Variants in UVSSA observed in about 807,000 individuals in gnomAD.
UVSSA encodes UV stimulated scaffold protein A.
UVSSA carries 72 observed loss-of-function variants against 73.9 expected under a neutral mutation model. That is an observed-to-expected ratio of 0.97 (90% confidence interval 0.81 to 1.19). UVSSA has a LOEUF of 1.19. UVSSA is among the 50% of genes most tolerant of loss of function. The pLI, the probability that UVSSA is intolerant of heterozygous loss-of-function variation, is 0.00. For synonymous variants in UVSSA, 454 were observed against 391.3 expected (o/e 1.16, Z -1.89); for missense variants, 1,150 against 965.0 (o/e 1.19, Z -2.54).
Position 1,353,051 on chromosome 4 carries a change from C to A in UVSSA, c.572C>A (p.Ser191Tyr), listed in dbSNP as rs200478324. The part of the protein sequence containing the change: ...EMQEMSGEIE[S>Y]CLTEVESCFR... ...GCAGAAATGTCTGGAGAAATTGAAT[C>A]CTGCTTGACGGAGGTAGAGAGCTGC... The change falls in exon 5 of 14, where the codon TCC becomes TAC. Residue 191 changes from serine (S) to tyrosine (Y), a missense_variant. Physicochemically the swap from Ser to Tyr is moderately radical, Grantham distance 144. Coordinates refer to ENST00000389851, the MANE Select transcript of UVSSA (RefSeq NM_020894.4). 57 of 1,610,814 alleles carry A rather than the reference C, an allele frequency of 3.5e-5. No homozygotes were observed. Among genetic ancestry groups the A allele is most frequent in the Admixed American group, 1.3e-4 (8 of 59,732 alleles).
chr4:1,359,567 C>T (rs747000639), intron 7 of UVSSA: 1 of 152,220 alleles, frequency 6.6e-6, no homozygotes, highest in Non-Finnish European at 1.5e-5. Flanking sequence ...GTGGCTCTGT[C>T]TTTCCTTCTG....
intron 7 of UVSSA, chr4:1,359,134 G>A (rs556917667): frequency 3.3e-5 from 5 of 152,320 alleles, no homozygotes; most frequent in East Asian, 1.9e-4. Context: ...ATACTTAGGC[G>A]GGTTTGAATA....
chr4:1,393,759 A>G (rs116254000), exon 14 of UVSSA: 1 of 154,192 alleles, frequency 6.5e-6, no homozygotes, highest in African/African-American at 2.4e-5. Context: ...ATATATATGT[A>G]TTTTTTGAAG....
exon 14 of UVSSA, chr4:1,394,962 G>C: frequency 6.4e-7 from 1 of 1,556,394 alleles, no homozygotes; most frequent in South Asian, 1.1e-5. Flanking sequence ...CTGCTCACAC[G>C]TGCCCATGCG....
chr4:1,360,661 T>C lies in UVSSA; in HGVS notation c.1176+5416T>C, dbSNP rs371706246. ...CTGAGAAGGTCAGGCTGAAGCAGGG[T>C]CCTTTCCCGCCCCCGTGAGCCGAGT... On this transcript the variant is annotated intron_variant, in intron 7 of 13. Coordinates refer to ENST00000389851, the MANE Select transcript of UVSSA (RefSeq NM_020894.4). Among the ~76,000 whole-genome samples, 84 of 152,052 alleles carry C rather than the reference T, an allele frequency of 5.5e-4. 1 individual carries two copies. The South Asian group carries it at 0.015, about 27-fold the overall frequency.
chr4:1,359,869 G>T (rs1446737687), intron 7 of UVSSA, among the ~76,000 whole-genome samples: 1 of 152,200 alleles, frequency 6.6e-6, no homozygotes, highest in African/African-American at 2.4e-5. Flanking sequence ...GCCTCCCGGG[G>T]ACCCTGTCAG....
intron 9 of UVSSA, 50 bp from the exon 10 acceptor site, chr4:1,375,984 T>C (rs1191049033): frequency 1.3e-6 from 2 of 1,559,516 alleles, no homozygotes; most frequent in African/African-American, 2.7e-5. Context: ...GGAGGGTGGC[T>C]GTGGGTGGCA....
At chr4:1,355,053 A>G in intron 6 of UVSSA, 64 bp from the exon 7 acceptor site, 1 of 1,593,094 alleles carries the variant, frequency 6.3e-7, no homozygotes, top group Non-Finnish European at 8.6e-7. Flanking sequence ...TGTGCCTCCC[A>G]GCAGGACAGC....
chr4:1,394,332 A>T (rs767951831), exon 14 of UVSSA: 83 of 1,117,568 alleles, frequency 7.4e-5, no homozygotes, highest in Non-Finnish European at 1.0e-4. Flanking sequence ...TTCTACTTAG[A>T]ATGCTCTTCC....
chr4:1,354,046 CTT>C (rs200934496), intron 5 of UVSSA, among the ~76,000 whole-genome samples: 5,951 of 152,294 alleles, frequency 0.039, 181 homozygotes, highest in Non-Finnish European at 0.06. Flanking sequence ...AAATCGCTCT[CTT>C]TGAGGAACCT....
rs9328733 is a variant in UVSSA at position 1,394,795 on chromosome 4, A to C, written c.*8834A>C. 2.2e-5 allele frequency: 19 copies of C among 856,278 alleles called. 2 individuals carry two copies. Among genetic ancestry groups the C allele is most frequent in the Admixed American group, 5.5e-5 (2 of 36,388 alleles). The allele number at this position is 856,278 out of a possible 1,614,324, so 53.0% of individuals were successfully genotyped here. On this transcript the variant is annotated 3_prime_UTR_variant, in exon 14 of 14. Transcript: ENST00000511216. ...CTCACATGTGCCGATGTGGAGTGCC[A>C]CCTGCTCACACACGTGCCCATGTGG...
intron 7 of UVSSA, among the ~76,000 whole-genome samples, chr4:1,364,711 C>T (rs1386048933): frequency 6.6e-6 from 1 of 152,130 alleles, no homozygotes; most frequent in Non-Finnish European, 1.5e-5. Flanking sequence ...AATGCAGGCG[C>T]CTCCATCCCG....
intron 7 of UVSSA, 37 bp from the exon 8 acceptor site, chr4:1,366,283 T>G (rs771537210): frequency 6.5e-7 from 1 of 1,530,074 alleles, no homozygotes; most frequent in Admixed American, 1.8e-5. Context: ...ATACACAGGG[T>G]CTGGGGGTTG....
In UVSSA at chr4:1,348,201, G is replaced by A. The variant is rs755705444; in HGVS notation, c.98+12G>A. On this transcript the variant is annotated intron_variant, in intron 2 of 13. Transcript: ENST00000389851. ...AAGAAAATTTGCAAGTATGTCTTAGGGTTCAGTAACAGTAACTGACTGGCC... is the reference window on the plus strand; with the variant it reads ...AAGAAAATTTGCAAGTATGTCTTAGAGTTCAGTAACAGTAACTGACTGGCC... The A allele has an allele frequency of 3.2e-5, 51 of 1,602,666 alleles. No individual in the cohort carries two copies. The South Asian group carries it at 4.2e-4, about 13-fold the overall frequency.
intron 2 of UVSSA, among the ~76,000 whole-genome samples, chr4:1,348,755 G>A (rs1057436504): frequency 1.3e-5 from 2 of 152,246 alleles, no homozygotes; most frequent in Non-Finnish European, 2.9e-5. Context: ...TTTATACAGT[G>A]ATGGAGTGTT....
At chr4:1,378,860 C>T (rs1030278219) in intron 10 of UVSSA, among the ~76,000 whole-genome samples, 1 of 152,232 alleles carries the variant, frequency 6.6e-6, no homozygotes, top group East Asian at 1.9e-4. Context: ...AGGGCTTTGC[C>T]CGAGACGCCT....
chr4:1,377,615 C>T (rs1718935007), intron 10 of UVSSA, among the ~76,000 whole-genome samples: 1 of 152,138 alleles, frequency 6.6e-6, no homozygotes, highest in Non-Finnish European at 1.5e-5. Flanking sequence ...CGTCCCTCCT[C>T]CCACCTGCCT....
chr4:1,346,625 G>T (rs1454781939), upstream of UVSSA, among the ~76,000 whole-genome samples: 2 of 152,100 alleles, frequency 1.3e-5, no homozygotes, highest in African/African-American at 4.8e-5. Context: ...AGGCCGGAGC[G>T]GGGAGGCGCC....
chr4:1,387,129 G>A lies in UVSSA; in HGVS notation c.*1168G>A, dbSNP rs1720187734. ...AATCTTGCTCTGTCGCCAGGCTGGAGTGCAATGGCGTGATCTCGGCTCACT... is the reference window on the plus strand; with the variant it reads ...AATCTTGCTCTGTCGCCAGGCTGGAATGCAATGGCGTGATCTCGGCTCACT... On this transcript the variant is annotated 3_prime_UTR_variant, in exon 14 of 14. Transcript: ENST00000389851. 1 of 152,056 alleles carries A rather than the reference G, an allele frequency of 6.6e-6. No individual in the cohort carries two copies. The highest frequency in any genetic ancestry group is 2.1e-4 in the South Asian group (1 of 4,818). 9.4% of individuals were successfully genotyped at this position (152,056 alleles called of 1,614,324 possible).
Sources: allele counts gnomAD v4.1 joint callset (sites outside exome capture counted in the v4.1 genomes callset), GRCh38; gene constraint gnomAD v4.1.1; transcripts MANE v1.5; gene names NCBI Gene and HGNC (gene_info 2026-07-23, HGNC 2026-07-21).